Variants in XYLT1 observed in about 807,000 individuals in gnomAD.
XYLT1 encodes beta-D-xylosyltransferase 1.
Under a neutral mutation model 91.3 loss-of-function variants are expected in XYLT1, and 36 were observed. The observed-to-expected ratio is 0.39, with a 90% CI of 0.30 to 0.52. XYLT1 has a LOEUF of 0.52. XYLT1 is among the 20% of genes least tolerant of loss of function. The pLI is 0.68. For synonymous variants in XYLT1, 588 were observed against 532.0 expected, an observed-to-expected ratio of 1.11 and a Z score of -1.45; for missense variants, 1,242 against 1,284.5, an observed-to-expected ratio of 0.97 and a Z score of 0.51.
At chr16:17,142,873 G>A (rs2031023278) in intron 6 of XYLT1, among the ~76,000 whole-genome samples, 1 of 152,112 alleles carries the variant, frequency 6.6e-6, no homozygotes, top group Non-Finnish European at 1.5e-5. Flanking sequence ...TAATACTACT[G>A]TGATTTGTTA....
At chr16:17,276,956 T>C (rs544713357) in intron 2 of XYLT1, among the ~76,000 whole-genome samples, 6 of 152,302 alleles carry the variant, frequency 3.9e-5, no homozygotes, top group South Asian at 2.1e-4. Context: ...TAATAAAAGG[T>C]AGCGGTTACC....
chr16:17,321,220 A>G (rs2034714360), intron 2 of XYLT1, among the ~76,000 whole-genome samples: 1 of 151,658 alleles, frequency 6.6e-6, no homozygotes, highest in Non-Finnish European at 1.5e-5. Flanking sequence ...ATTGAAAACC[A>G]CTATAAACGC....
At chr16:17,439,124 C>G (rs2036499500) in intron 1 of XYLT1, among the ~76,000 whole-genome samples, 1 of 152,160 alleles carries the variant, frequency 6.6e-6, no homozygotes, top group South Asian at 2.1e-4. Context: ...TTGTCATCAT[C>G]ATAGTGGCTA....
chr16:17,356,980 T>G lies in XYLT1; in HGVS notation c.402+1032A>C, dbSNP rs12599508. ...TCACAAGGTCAGGAGATCAAGACCA[T>G]CCTGGCTAACACGGTGAAACCTCGT... On this transcript the variant is annotated intron_variant, in intron 2 of 11. Coordinates refer to ENST00000261381, the MANE Select transcript of XYLT1 (RefSeq NM_022166.4). Among the ~76,000 whole-genome samples the G allele has an allele frequency of 4.2e-4, 63 of 151,764 alleles. No homozygotes were observed. In the East Asian group the frequency reaches 0.011, roughly 26 times the overall value.
intron 9 of XYLT1, among the ~76,000 whole-genome samples, chr16:17,128,508 C>T (rs1268728242): frequency 2.0e-5 from 3 of 152,112 alleles, no homozygotes; most frequent in Non-Finnish European, 4.4e-5. Context: ...ACCTTTCATT[C>T]GTCTCTCTCT....
chr16:17,409,342 A>G (rs184002886), intron 1 of XYLT1, among the ~76,000 whole-genome samples: 2 of 152,288 alleles, frequency 1.3e-5, no homozygotes, highest in Admixed American at 6.5e-5. Flanking sequence ...TGGACCTGCT[A>G]TTTCTCGACA....
intron 3 of XYLT1, among the ~76,000 whole-genome samples, chr16:17,253,867 C>CGAGA (rs1168440868): frequency 7.0e-6 from 1 of 142,866 alleles, no homozygotes; most frequent in East Asian, 2.0e-4. Context: ...AGAGAGCGAG[C>CGAGA]CTGCAGGTGG....
chr16:17,307,316 C>T (rs188452177), intron 2 of XYLT1, among the ~76,000 whole-genome samples: 17 of 152,280 alleles, frequency 1.1e-4, no homozygotes, highest in Admixed American at 9.2e-4. Flanking sequence ...ACCTCGTGAT[C>T]GGCCCGCTTC....
chr16:17,242,519 T>C (rs182641541), intron 3 of XYLT1, among the ~76,000 whole-genome samples: 263 of 152,250 alleles, frequency 1.7e-3, no homozygotes, highest in African/African-American at 6.0e-3. Flanking sequence ...TGCAGGAGAA[T>C]TGTCATCTGT....
chr16:17,324,596 G>A (rs576531619), intron 2 of XYLT1, among the ~76,000 whole-genome samples: 227 of 152,336 alleles, frequency 1.5e-3, no homozygotes, highest in African/African-American at 5.1e-3. Context: ...TCGTTTCTGA[G>A]CGCGTCTTCG....
intron 2 of XYLT1, among the ~76,000 whole-genome samples, chr16:17,279,161 C>T (rs762934290): frequency 1.3e-4 from 20 of 152,148 alleles, no homozygotes; most frequent in Non-Finnish European, 2.5e-4. Context: ...AGAGGCAGCG[C>T]GGCTCTGTGA....
At chr16:17,463,141 T>A (rs189618811) in intron 1 of XYLT1, among the ~76,000 whole-genome samples, 1 of 151,176 alleles carries the variant, frequency 6.6e-6, no homozygotes, top group African/African-American at 2.4e-5. Flanking sequence ...GAAAAAAACA[T>A]TGGGGAGACA....
intron 3 of XYLT1, among the ~76,000 whole-genome samples, chr16:17,212,585 C>T (rs184015971): frequency 1.2e-3 from 183 of 152,290 alleles, no homozygotes; most frequent in African/African-American, 4.2e-3. Flanking sequence ...CTACCTCATT[C>T]ATTATTTTTC....
chr16:17,134,598 G>GACATTCTCCCA lies in XYLT1; in HGVS notation c.1891_1901dup (p.Tyr635GlyfsTer14). ...TGTGGATGCCGTCAGGCTCATCGTA[G>GACATTCTCCCA]ACATTCTCCCAGTAGGAGCGCAGGC... On this transcript the variant is annotated frameshift_variant, in exon 9 of 12. Coordinates refer to ENST00000261381, the MANE Select transcript of XYLT1 (RefSeq NM_022166.4). LOFTEE classifies it high-confidence loss of function. 1 of 1,614,188 alleles carries GACATTCTCCCA rather than the reference G, an allele frequency of 6.2e-7. No homozygotes were observed. Among genetic ancestry groups the GACATTCTCCCA allele is most frequent in the Non-Finnish European group, 8.5e-7 (1 of 1,180,042 alleles).
At chr16:17,466,889 T>G (rs1304908953) in intron 1 of XYLT1, among the ~76,000 whole-genome samples, 3 of 146,108 alleles carry the variant, frequency 2.1e-5, no homozygotes. Context: ...ATTGAAAGTG[T>G]GAAAAAAAAA....
chr16:17,392,602 C>T (rs1253247419), intron 1 of XYLT1, among the ~76,000 whole-genome samples: 2 of 152,252 alleles, frequency 1.3e-5, no homozygotes, highest in East Asian at 1.9e-4. Context: ...CCTTCTCTCT[C>T]AGGACCCCAA....
intron 2 of XYLT1, among the ~76,000 whole-genome samples, chr16:17,304,105 T>C (rs552527352): frequency 2.0e-5 from 3 of 152,216 alleles, no homozygotes; most frequent in African/African-American, 7.2e-5. Context: ...ATGCTTATGT[T>C]GGAAGGTAAG....
rs1017889799 is a variant in XYLT1, at chr16:17,278,062, C to A, written c.403-18564G>T. 3.4e-4 allele frequency among the ~76,000 whole-genome samples: 52 copies of A among 152,126 alleles called. 1 individual carries two copies. Among genetic ancestry groups the A allele is most frequent in the Non-Finnish European group, 2.1e-4 (14 of 68,028 alleles). ...ATTGACAGAGTGAGACGCCTCCCTGCGAACATGAGGCATCTAGTTCGGGTA... is the reference window on the plus strand; with the variant it reads ...ATTGACAGAGTGAGACGCCTCCCTGAGAACATGAGGCATCTAGTTCGGGTA... On this transcript the variant is annotated intron_variant, in intron 2 of 11. Transcript: ENST00000261381.
intron 8 of XYLT1, chr16:17,137,683 C>T (rs767831945): frequency 2.0e-5 from 3 of 148,918 alleles, no homozygotes; most frequent in South Asian, 2.1e-4. Flanking sequence ...TTAGGCTGCC[C>T]AGAGACAGCT....
Sources: allele counts gnomAD v4.1 joint callset (sites outside exome capture counted in the v4.1 genomes callset), GRCh38; gene constraint gnomAD v4.1.1; transcripts MANE v1.5; gene names NCBI Gene and HGNC (gene_info 2026-07-23, HGNC 2026-07-21).